RANBP2: variants seen among roughly 807,000 people sequenced by gnomAD.
RANBP2 encodes RAN binding protein 2.
Under a neutral mutation model 303.6 loss-of-function variants are expected in RANBP2, and 57 were observed. The ratio of observed to expected loss-of-function variants is 0.19; its 90% CI spans 0.15 to 0.23. The LOEUF (loss-of-function observed/expected upper bound fraction) is 0.23, where lower values mean the gene tolerates loss of function less well. RANBP2 is among the 10% of genes least tolerant of loss of function. The probability of loss-of-function intolerance (pLI) is 1.00; values close to 1 mark genes in which losing one functional copy is unlikely to be tolerated. For synonymous variants in RANBP2, 1,167 were observed against 1,301.5 expected (o/e 0.90, Z 2.23); for missense variants, 3,138 against 3,780.8 (o/e 0.83, Z 4.46).
chr2:108,983,684 G>A, the RANBP2 span, among the ~76,000 whole-genome samples: 2 of 152,222 alleles, frequency 1.3e-5, no homozygotes, highest in Non-Finnish European at 2.9e-5. Context: ...ATACGAGGAA[G>A]GAAATCAAAC....
rs751334817 is a variant in RANBP2 at position 108,764,044 on chromosome 2, G to A, written c.3505G>A (p.Gly1169Ser). The change falls in exon 20 of 29, where the codon GGT (glycine) becomes AGT (serine). Residue 1169 changes from glycine to serine, a missense_variant. Gly to Ser is a moderately conservative substitution (Grantham distance 56). This residue lies in a region of RANBP2 where 403 missense variants were observed against 376.7 expected (regional missense o/e 1.07). Transcript: ENST00000283195. ...TGCCCATGGGGATGATGATGATGAC[G>A]GTCCTCACTTTGAGCCTGTAGTACC... Reference protein sequence around the residue: ...GSAHGDDDDDGPHFEPVVPLP... With the variant: ...GSAHGDDDDDSPHFEPVVPLP... 4 of 1,613,984 alleles carry A rather than the reference G, an allele frequency of 2.5e-6. No homozygotes were observed. The highest frequency in any genetic ancestry group is 3.3e-5 in the Admixed American group (2 of 60,012).
At chr2:109,414,984 C>G in the RANBP2 span, among the ~76,000 whole-genome samples, 1 of 152,238 alleles carries the variant, frequency 6.6e-6, no homozygotes, top group Non-Finnish European at 1.5e-5. Context: ...ACCTGGGCCA[C>G]CGCAGCCACA....
At chr2:109,658,256 G>A in the RANBP2 span, among the ~76,000 whole-genome samples, 1 of 151,326 alleles carries the variant, frequency 6.6e-6, no homozygotes, top group East Asian at 2.0e-4. Flanking sequence ...GACCAGCCTG[G>A]CCAAGATGGT....
the RANBP2 span, among the ~76,000 whole-genome samples, chr2:109,226,929 G>A: frequency 3.7e-3 from 565 of 152,276 alleles, 3 homozygotes; most frequent in Non-Finnish European, 5.4e-3. Flanking sequence ...GGGTCCTGAG[G>A]TAGATGCATC....
the RANBP2 span, chr2:109,419,508 C>T: frequency 6.4e-7 from 1 of 1,559,954 alleles, no homozygotes; most frequent in Non-Finnish European, 8.7e-7. Flanking sequence ...TCTCTGTCTC[C>T]TCACTCCTGT....
chr2:109,111,788 C>G, the RANBP2 span, among the ~76,000 whole-genome samples: 6 of 143,428 alleles, frequency 4.2e-5, no homozygotes, highest in East Asian at 1.2e-3. Flanking sequence ...CCCCCTCCCC[C>G]CATCCCACCA....
chr2:108,827,879 CT>C, the RANBP2 span, among the ~76,000 whole-genome samples: 184 of 150,906 alleles, frequency 1.2e-3, no homozygotes, highest in African/African-American at 4.4e-3. Context: ...ATCACTGTTC[CT>C]GAAAAAAATT....
the RANBP2 span, chr2:109,129,517 G>A: frequency 1.3e-6 from 2 of 1,496,184 alleles, no homozygotes; most frequent in Non-Finnish European, 1.8e-6. Flanking sequence ...GCAGCCGCGC[G>A]AGACCGCTGC....
the RANBP2 span, among the ~76,000 whole-genome samples, chr2:109,632,588 C>T: frequency 1.3e-5 from 2 of 152,042 alleles, no homozygotes; most frequent in African/African-American, 2.4e-5. Context: ...CCAAGGCAGG[C>T]GGATCACAAG....
the RANBP2 span, among the ~76,000 whole-genome samples, chr2:108,877,582 C>G: frequency 1.6e-5 from 2 of 126,784 alleles, no homozygotes; most frequent in African/African-American, 2.6e-5. Flanking sequence ...AAAGGTGTCT[C>G]GGAACTCAGA....
At chr2:109,398,965 C>A in the RANBP2 span, 3 of 1,593,818 alleles carry the variant, frequency 1.9e-6, no homozygotes, top group South Asian at 1.1e-5. Flanking sequence ...CGGGCCAGGG[C>A]AGGCATCCCT....
chr2:109,667,131 C>T, the RANBP2 span: 2 of 1,244,322 alleles, frequency 1.6e-6, no homozygotes, highest in Admixed American at 4.1e-5. Flanking sequence ...TTTTACTTTT[C>T]AGCCAATCCT....
the RANBP2 span, among the ~76,000 whole-genome samples, chr2:108,915,408 T>C: frequency 1.6e-4 from 25 of 152,284 alleles, 1 homozygote; most frequent in South Asian, 4.1e-4. Flanking sequence ...CAATGAAACA[T>C]TGGGCTTGGG....
chr2:109,135,670 G>C, the RANBP2 span, among the ~76,000 whole-genome samples: 13 of 152,094 alleles, frequency 8.5e-5, no homozygotes, highest in Non-Finnish European at 1.6e-4. Flanking sequence ...ATGTGCATGG[G>C]GGGGTGTGTG....
chr2:109,399,651 A>G, the RANBP2 span, among the ~76,000 whole-genome samples: 2 of 152,222 alleles, frequency 1.3e-5, no homozygotes, highest in African/African-American at 4.8e-5. Flanking sequence ...ATGATTAAAA[A>G]AATTTTTAAA....
At chr2:108,872,243 C>T in the RANBP2 span, among the ~76,000 whole-genome samples, 5 of 152,142 alleles carry the variant, frequency 3.3e-5, no homozygotes, top group African/African-American at 1.2e-4. Flanking sequence ...CTCCCCCCAC[C>T]ATAGCATCCT....
chr2:109,500,010 G>A, the RANBP2 span, among the ~76,000 whole-genome samples: 1 of 152,146 alleles, frequency 6.6e-6, no homozygotes, highest in Admixed American at 6.5e-5. Context: ...GATGGTGGAA[G>A]CGGGTGGTCC....
the RANBP2 span, among the ~76,000 whole-genome samples, chr2:109,446,557 C>T: frequency 1.3e-5 from 2 of 152,272 alleles, no homozygotes; most frequent in African/African-American, 4.8e-5. Context: ...AGGTGGTAGG[C>T]AGGTCTCTAG....
the RANBP2 span, among the ~76,000 whole-genome samples, chr2:109,038,777 A>C: frequency 6.6e-6 from 1 of 152,252 alleles, no homozygotes; most frequent in Non-Finnish European, 1.5e-5. Context: ...TAGCACCAGT[A>C]ACTTTCATGT....
Sources: gnomAD v4.1 joint callset for allele counts (sites outside exome capture counted in the v4.1 genomes callset) on GRCh38, gnomAD v4.1.1 for gene constraint, gnomAD v4.1.1 regional missense constraint, MANE v1.5 for transcripts, NCBI Gene and HGNC (gene_info 2026-07-23, HGNC 2026-07-21) for gene names.